Variants in INSYN2A observed in about 807,000 individuals in gnomAD.
The protein encoded by INSYN2A is inhibitory synaptic factor 2A.
A neutral mutation model predicts 39.4 loss-of-function variants in INSYN2A; 17 were observed. The observed-to-expected ratio is 0.43, with a 90% CI of 0.30 to 0.65. The LOEUF (loss-of-function observed/expected upper bound fraction) is 0.65. Among genes scored for constraint, INSYN2A ranks in the 30% least tolerant of loss-of-function variants. The pLI, the probability that INSYN2A is intolerant of heterozygous loss-of-function variation, is 0.14. For missense variants in INSYN2A, 595 were observed against 631.2 expected (o/e 0.94, Z 0.61); for synonymous variants, 255 against 265.7 (o/e 0.96, Z 0.39).
intron 1 of INSYN2A, among the ~76,000 whole-genome samples, chr10:127,193,299 C>T (rs1479756674): frequency 4.6e-5 from 7 of 152,080 alleles, no homozygotes; most frequent in Admixed American, 1.3e-4. Context: ...CCCAGAATGA[C>T]GGTGGTTTGC....
chr10:127,192,379 C>A (rs1039701210), intron 2 of INSYN2A, among the ~76,000 whole-genome samples: 4 of 152,174 alleles, frequency 2.6e-5, no homozygotes, highest in Non-Finnish European at 4.4e-5. Flanking sequence ...ATCTGCTGTT[C>A]TACATTCAAG....
chr10:127,145,595 TC>T lies in INSYN2A; in HGVS notation c.1257-7576del, dbSNP rs748506663. Among the ~76,000 whole-genome samples the T allele has an allele frequency of 9.5e-4, 145 of 152,230 alleles. 1 individual carries two copies. Among genetic ancestry groups the T allele is most frequent in the Non-Finnish European group, 1.2e-3 (82 of 67,998 alleles). ...GTGGCCAACCCAACCCTGAGTGGGA[TC>T]CCATGACCCAGGGCCATCACCTTGC... is the stretch of plus-strand genomic sequence containing the variant. On this transcript the variant is annotated intron_variant, in intron 5 of 5. Coordinates refer to ENST00000522781, the MANE Select transcript of INSYN2A (RefSeq NM_001039762.3).
chr10:127,157,631 G>C (rs923132091), intron 4 of INSYN2A, among the ~76,000 whole-genome samples: 1 of 152,192 alleles, frequency 6.6e-6, no homozygotes, highest in Non-Finnish European at 1.5e-5. Context: ...AGGAGTCATT[G>C]TGTTTTCTTT....
chr10:127,157,066 G>A (rs540498834), intron 4 of INSYN2A, among the ~76,000 whole-genome samples: 84 of 152,360 alleles, frequency 5.5e-4, no homozygotes, highest in African/African-American at 1.9e-3. Context: ...AGTGGCGTGG[G>A]AGTGGCAGAA....
At chr10:127,155,071 G>A (rs1208629496) in intron 4 of INSYN2A, among the ~76,000 whole-genome samples, 1 of 152,168 alleles carries the variant, frequency 6.6e-6, no homozygotes, top group Non-Finnish European at 1.5e-5. Flanking sequence ...GCTCCCATCT[G>A]CATTAGCTTA....
intron 2 of INSYN2A, among the ~76,000 whole-genome samples, chr10:127,186,397 C>T (rs1028859459): frequency 5.3e-5 from 8 of 151,510 alleles, no homozygotes; most frequent in African/African-American, 1.2e-4. Context: ...CATGGTGGTG[C>T]GTGCCTGTAA....
chr10:127,195,482 C>T (rs1403443175), intron 1 of INSYN2A, among the ~76,000 whole-genome samples: 1 of 152,190 alleles, frequency 6.6e-6, no homozygotes, highest in Admixed American at 6.5e-5. Flanking sequence ...GCTCGCGCCT[C>T]TCCTCAACGG....
At position 127,142,555 on chromosome 10, in the gene INSYN2A, C is replaced by T. The variant is rs117862165; in HGVS notation, c.1257-4535G>A. On this transcript the variant is annotated intron_variant, in intron 5 of 5. Coordinates refer to ENST00000522781, the MANE Select transcript of INSYN2A (RefSeq NM_001039762.3). ...TGGAGCCAGGCCAGCCTTACCTGTG[C>T]GGGGTGTTCTGTCCTATAAACACCT... 2.2e-4 allele frequency among the ~76,000 whole-genome samples: 33 copies of T among 152,272 alleles called. No individual in the cohort carries two copies. In the East Asian group the frequency reaches 5.4e-3, roughly 25 times the overall value.
chr10:127,141,812 A>T (rs1425427185), intron 5 of INSYN2A, among the ~76,000 whole-genome samples: 4 of 152,172 alleles, frequency 2.6e-5, no homozygotes, highest in Non-Finnish European at 4.4e-5. Context: ...ACAGACAAAT[A>T]GGGCTCTGCC....
chr10:127,143,612 A>G (rs899649528), intron 5 of INSYN2A, among the ~76,000 whole-genome samples: 10 of 152,190 alleles, frequency 6.6e-5, no homozygotes, highest in Admixed American at 2.0e-4. Context: ...CCCAAAGCAC[A>G]ACAATTTATG....
intron 4 of INSYN2A, among the ~76,000 whole-genome samples, chr10:127,174,134 G>A (rs2054842797): frequency 6.6e-6 from 1 of 152,168 alleles, no homozygotes; most frequent in Non-Finnish European, 1.5e-5. Context: ...GTGGTTTTCT[G>A]TCCTGGAAAT....
intron 5 of INSYN2A, among the ~76,000 whole-genome samples, chr10:127,147,852 G>A (rs187371263): frequency 1.3e-4 from 20 of 151,730 alleles, no homozygotes; most frequent in Admixed American, 4.6e-4. Flanking sequence ...CCAATATGGT[G>A]AAACCCCATC....
Position 127,176,320 on chromosome 10 carries a change from G to A in INSYN2A, c.76C>T (p.Leu26=). The A allele has an allele frequency of 2.5e-6, 4 of 1,614,052 alleles. No individual in the cohort carries two copies. Among genetic ancestry groups the A allele is most frequent in the Non-Finnish European group, 3.4e-6 (4 of 1,180,026 alleles). ...SEVEPAACLA[L]EMKYALDPNR... is the part of the protein sequence containing the mutation. ...GGGTCCAGGGCGTATTTCATCTCCA[G>A]GGCCAGGCAGGCGGCGGGTTCCACT... Residue 26 remains leucine (L), a synonymous_variant, in exon 4 of 6, where the codon CTG becomes TTG. Transcript: ENST00000522781. The surrounding 1 kb of genome is among the most constrained non-coding windows in gnomAD (Gnocchi z 4.4).
chr10:127,162,552 T>C (rs991224482), intron 4 of INSYN2A, among the ~76,000 whole-genome samples: 13 of 152,180 alleles, frequency 8.5e-5, no homozygotes, highest in Admixed American at 2.6e-4. Context: ...TTTTCCATGG[T>C]AGGGCAAAGT....
rs772878195 is a variant in INSYN2A, at chr10:127,175,958, A to G, written c.438T>C (p.Asp146=). 2.5e-6 allele frequency: 4 copies of G among 1,614,120 alleles called. No homozygotes were observed. The highest frequency in any genetic ancestry group is 3.4e-6 in the Non-Finnish European group (4 of 1,180,018). ...GTCCAGCCTCGTTCTTCTCTTTCGC[A>G]TCTGTTAGAAACCCATTGTTTTGGC... ...FKSQNNGFLT[D]AKEKNEAGPM... is the part of the protein sequence containing the mutation. Residue 146 remains aspartate, a synonymous_variant, in exon 4 of 6, where the codon GAT becomes GAC. Transcript: ENST00000522781. The surrounding 1 kb of genome is among the most constrained non-coding windows in gnomAD (Gnocchi z 6.3).
intron 2 of INSYN2A, among the ~76,000 whole-genome samples, chr10:127,179,543 G>T (rs921843608): frequency 4.6e-5 from 7 of 152,114 alleles, no homozygotes; most frequent in African/African-American, 1.7e-4. Flanking sequence ...TCTGACGGCT[G>T]GATGACATTT....
intron 2 of INSYN2A, among the ~76,000 whole-genome samples, chr10:127,187,497 G>A (rs2056381601): frequency 6.6e-6 from 1 of 152,156 alleles, no homozygotes. Flanking sequence ...GCATAGGTGT[G>A]GATGAAATGG....
chr10:127,166,425 A>G (rs760369829), intron 4 of INSYN2A, among the ~76,000 whole-genome samples: 31 of 152,206 alleles, frequency 2.0e-4, no homozygotes, highest in Non-Finnish European at 4.0e-4. Context: ...GGGAGAGAGA[A>G]GATGAGTGGG....
At chr10:127,158,789 G>A (rs1036035484) in intron 4 of INSYN2A, among the ~76,000 whole-genome samples, 7 of 152,246 alleles carry the variant, frequency 4.6e-5, no homozygotes, top group Non-Finnish European at 7.3e-5. Flanking sequence ...ACTATGTATC[G>A]TCCCATGGCA....
Sources: allele counts gnomAD v4.1 joint callset (sites outside exome capture counted in the v4.1 genomes callset), GRCh38; gene constraint gnomAD v4.1.1; non-coding constraint Gnocchi (gnomAD v3.1); transcripts MANE v1.5; gene names NCBI Gene and HGNC (gene_info 2026-07-23, HGNC 2026-07-21).